Variants in BRD1 observed in about 807,000 individuals in gnomAD.
The protein encoded by BRD1 is bromodomain containing 1, also known as bromodomain-containing protein 1.
In BRD1, 24 loss-of-function variants were observed where a neutral mutation model predicts 107.7. The observed-to-expected ratio is 0.22, with a 90% CI of 0.16 to 0.31. The LOEUF is 0.31. Ranked by LOEUF, BRD1 falls within the 10% of genes least tolerant of loss-of-function variation. The pLI is 1.00. For missense variants in BRD1, 1,279 were observed against 1,638.6 expected (o/e 0.78, Z 3.79); for synonymous variants, 744 against 686.1 (o/e 1.08, Z -1.32).
intron 2 of BRD1, chr22:49,817,262 G>T: frequency 5.9e-6 from 1 of 169,982 alleles, no homozygotes; most frequent in East Asian, 1.7e-4. Context: ...CAGAGGCCTT[G>T]GGGAGCTCAA....
At chr22:49,782,648 T>G (rs1485511285) in intron 8 of BRD1, among the ~76,000 whole-genome samples, 1 of 148,092 alleles carries the variant, frequency 6.8e-6, no homozygotes, top group Non-Finnish European at 1.5e-5. Context: ...AGACCTGCTC[T>G]TGCTGGGACC....
At position 49,801,148 on chromosome 22, in the gene BRD1, G is replaced by A. The variant is rs567625195; in HGVS notation, c.1525-2029C>T. 6.7e-4 allele frequency among the ~76,000 whole-genome samples: 102 copies of A among 152,342 alleles called. 1 individual carries two copies. Among genetic ancestry groups the A allele is most frequent in the Admixed American group, 3.9e-3 (60 of 15,310 alleles). On this transcript the variant is annotated intron_variant, in intron 3 of 12. Transcript: ENST00000404760. ...AGACACTGGGAAAGCTGCAGGATGC[G>A]CTCCCAGGACAGGAAGGGTGGGCCA...
rs781392587 is a variant in BRD1 at position 49,804,351 on chromosome 22, C to G, written c.1377G>C (p.Arg459Ser). The G allele has an allele frequency of 8.7e-6, 14 of 1,604,930 alleles. No homozygotes were observed. Among genetic ancestry groups the G allele is most frequent in the Non-Finnish European group, 9.4e-6 (11 of 1,174,738 alleles). ...GCTGAATGGCCACCTGATTCGCAAT[C>G]CTATTTAACCTAAAACACAAACACT... is the stretch of plus-strand genomic sequence containing the variant. ...APYIPPQRLN[R>S]IANQVAIQRK... is the part of the protein sequence containing the mutation. The change falls in exon 3 of 13, where the codon AGG becomes AGC. Residue 459 changes from arginine to serine, a missense_variant. Arg to Ser is a moderately radical substitution (Grantham distance 110). This residue lies in a region of BRD1 where 87 missense variants were observed against 77.1 expected (regional missense o/e 1.13). Transcript: ENST00000404760.
In BRD1 at chr22:49,776,122, G is replaced by C; in HGVS notation, c.3159C>G (p.Ala1053=). The C allele has an allele frequency of 6.2e-7, 1 of 1,605,656 alleles. No homozygotes were observed. Among genetic ancestry groups the C allele is most frequent in the African/African-American group, 1.3e-5 (1 of 74,516 alleles). The change falls in exon 11 of 13, where the codon GCC becomes GCG. Residue 1053 remains alanine (A), a synonymous_variant. Coordinates refer to ENST00000404760, the MANE Select transcript of BRD1 (RefSeq NM_001304808.3). ...TCAGAGGCTCCAGCACCGAGGCGGC[G>C]GCATCAGTGGAGATCCACATGCTGC... is the stretch of plus-strand genomic sequence containing the variant. ...GQSSMWISTD[A]AASVLEPLKV... is the part of the protein sequence containing the mutation.
intron 2 of BRD1, among the ~76,000 whole-genome samples, chr22:49,816,967 T>TGGAAGA (rs2059965331): frequency 6.6e-6 from 1 of 152,222 alleles, no homozygotes; most frequent in Non-Finnish European, 1.5e-5. Flanking sequence ...CGCCAGGACC[T>TGGAAGA]GAGGGAAGAG....
rs2059927878 is a variant in BRD1, at chr22:49,815,264, C to A, written c.1367+7687G>T. 2.6e-5 allele frequency among the ~76,000 whole-genome samples: 4 copies of A among 152,210 alleles called. No individual in the cohort carries two copies. In the South Asian group the frequency reaches 8.3e-4, roughly 32 times the overall value. On this transcript the variant is annotated intron_variant, in intron 2 of 12. Coordinates refer to ENST00000404760, the MANE Select transcript of BRD1 (RefSeq NM_001304808.3). ...TCAATTAAAACAAATCTAGGCCAGG[C>A]ACAGTGGCTTATGCCTGTAATCCCA... is the stretch of plus-strand genomic sequence containing the variant.
At position 49,803,246 on chromosome 22, in the gene BRD1, C is replaced by T. The variant is rs1215962953; in HGVS notation, c.1524+958G>A. 1.3e-5 allele frequency among the ~76,000 whole-genome samples: 2 copies of T among 152,234 alleles called. No homozygotes were observed. Among genetic ancestry groups the T allele is most frequent in the Non-Finnish European group, 1.5e-5 (1 of 68,048 alleles). Reference sequence around the variant, plus strand: ...GAGACAGCACCGGCCACCGCACCACCGCACGGGGACCCAACCGTGAACCCT... The same window carrying T: ...GAGACAGCACCGGCCACCGCACCACTGCACGGGGACCCAACCGTGAACCCT... On this transcript the variant is annotated intron_variant, in intron 3 of 12. Transcript: ENST00000404760. This position sits in a 1 kb window ranked among gnomAD's most constrained non-coding sequence, Gnocchi z 4.4.
At position 49,823,795 on chromosome 22, in the gene BRD1, C is replaced by T. The variant is rs746769934; in HGVS notation, c.523G>A (p.Gly175Ser). The part of the protein sequence containing the change: ...WLEIVNEKRK[G>S]DCVPAVSQSM... ...TGCGACACGGCGGGGACGCAGTCGC[C>T]CTTGCGCTTCTCATTGACGATCTCC... The change falls in exon 2 of 13, where the codon GGC becomes AGC. Residue 175 changes from glycine to serine, a missense_variant. By Grantham distance (56) the Gly-to-Ser change is moderately conservative. Coordinates refer to ENST00000404760, the MANE Select transcript of BRD1 (RefSeq NM_001304808.3). 1.9e-6 allele frequency: 3 copies of T among 1,614,132 alleles called. No homozygotes were observed. The highest frequency in any genetic ancestry group is 2.5e-6 in the Non-Finnish European group (3 of 1,180,038).
intron 2 of BRD1, among the ~76,000 whole-genome samples, chr22:49,816,442 C>A (rs1040784744): frequency 4.6e-5 from 7 of 152,208 alleles, no homozygotes; most frequent in Non-Finnish European, 8.8e-5. Context: ...CAAGACAGAA[C>A]AGCTTCCCCA....
intron 8 of BRD1, among the ~76,000 whole-genome samples, chr22:49,779,096 C>T (rs767897656): frequency 1.3e-5 from 2 of 152,092 alleles, no homozygotes; most frequent in Non-Finnish European, 2.9e-5. Context: ...TTTTTGGAAA[C>T]GATGTCTCAC....
At position 49,780,475 on chromosome 22, in the gene BRD1, G is replaced by A. The variant is rs182048178; in HGVS notation, c.2858-2662C>T. On this transcript the variant is annotated intron_variant, in intron 8 of 12. Coordinates refer to ENST00000404760, the MANE Select transcript of BRD1 (RefSeq NM_001304808.3). Reference sequence around the variant, plus strand: ...GACACCACCCAGCAGGAGGCCTGGCGGGGGTGGGACAGCTGCAAGGCTTGC... The same window carrying A: ...GACACCACCCAGCAGGAGGCCTGGCAGGGGTGGGACAGCTGCAAGGCTTGC... 6.4e-4 allele frequency among the ~76,000 whole-genome samples: 98 copies of A among 152,222 alleles called. No homozygotes were observed. In the East Asian group the frequency reaches 0.017, roughly 27 times the overall value.
chr22:49,780,941 G>A (rs2059195203), intron 8 of BRD1, among the ~76,000 whole-genome samples: 2 of 152,224 alleles, frequency 1.3e-5, no homozygotes, highest in African/African-American at 2.4e-5. Flanking sequence ...CACTGAGGCC[G>A]AGCCCAAGCC....
intron 7 of BRD1, among the ~76,000 whole-genome samples, chr22:49,791,691 C>T (rs1188922351): frequency 6.6e-6 from 1 of 152,086 alleles, no homozygotes; most frequent in Non-Finnish European, 1.5e-5. Flanking sequence ...CGCCTCTCCA[C>T]AGACCCCCAT....
chr22:49,780,519 C>T (rs903564754), intron 8 of BRD1, among the ~76,000 whole-genome samples: 10 of 152,236 alleles, frequency 6.6e-5, no homozygotes, highest in Admixed American at 6.5e-4. Context: ...GGTCTGGGGG[C>T]TGCGGCAGTG....
rs1235799528 is a variant in BRD1 at position 49,823,864 on chromosome 22, T to C, written c.454A>G (p.Asn152Asp). The C allele has an allele frequency of 1.9e-6, 3 of 1,614,078 alleles. No individual in the cohort carries two copies. Among genetic ancestry groups the C allele is most frequent in the African/African-American group, 1.3e-5 (1 of 74,934 alleles). ...TCGTCCATGTCATACTCCACCTCGT[T>C]GTCCAGTTCCTCGGCCGACTTCTCG... ...FIEKSAEELD[N>D]EVEYDMDEED... The change falls in exon 2 of 13, where the codon AAC becomes GAC. Residue 152 changes from asparagine to aspartate, a missense_variant. Physicochemically the swap from Asn to Asp is conservative, Grantham distance 23. Around this residue, in one of 7 missense-constraint regions of BRD1, gnomAD observed 223 missense variants for 263.5 expected, o/e 0.85. Transcript: ENST00000404760.
intron 8 of BRD1, among the ~76,000 whole-genome samples, chr22:49,778,903 C>T (rs1160377336): frequency 3.3e-5 from 5 of 152,286 alleles, no homozygotes; most frequent in Non-Finnish European, 5.9e-5. Context: ...CCTCGTGATC[C>T]GCCTGCCTCG....
intron 3 of BRD1, among the ~76,000 whole-genome samples, chr22:49,802,783 T>C (rs1170314212): frequency 6.6e-6 from 1 of 152,194 alleles, no homozygotes; most frequent in African/African-American, 2.4e-5. Context: ...CCCCAAACCG[T>C]GCTGTCCTTT....
At chr22:49,793,882 T>G in intron 7 of BRD1, 152 bp downstream of exon 7, 3 of 1,040,990 alleles carry the variant, frequency 2.9e-6, no homozygotes, top group Non-Finnish European at 4.1e-6. Flanking sequence ...GAAAATCAAG[T>G]GTTCCGGGAT....
Position 49,798,651 on chromosome 22 carries a change from C to T in BRD1, c.1692G>A (p.Leu564=), listed in dbSNP as rs371012698. The T allele has an allele frequency of 1.2e-6, 2 of 1,612,642 alleles. No homozygotes were observed. The highest frequency in any genetic ancestry group is 1.7e-6 in the Non-Finnish European group (2 of 1,179,484). Residue 564 remains leucine, a synonymous_variant, in exon 5 of 13, where the codon CTG becomes CTA. Coordinates refer to ENST00000404760, the MANE Select transcript of BRD1 (RefSeq NM_001304808.3). ...AGCGCAGCAGCACCGTCAGCGGGGT[C>T]AGCCGCAGCTCCATGGCGACCTGCT... ...KVEQVAMELR[L]TPLTVLLRSV...
Sources: gnomAD v4.1 joint callset for allele counts (sites outside exome capture counted in the v4.1 genomes callset) on GRCh38, gnomAD v4.1.1 for gene constraint, gnomAD v4.1.1 regional missense constraint, Gnocchi (gnomAD v3.1) non-coding constraint, MANE v1.5 for transcripts, NCBI Gene and HGNC (gene_info 2026-07-23, HGNC 2026-07-21) for gene names.